GSTCD: variants seen among roughly 807,000 people sequenced by gnomAD.
GSTCD encodes glutathione S-transferase C-terminal domain containing, also known as glutathione S-transferase C-terminal domain-containing protein.
In GSTCD, 44 loss-of-function variants were observed where a neutral mutation model predicts 68.3. That is an observed-to-expected ratio of 0.64 (90% CI 0.51 to 0.83). The LOEUF is 0.83. GSTCD is among the 40% of genes least tolerant of loss of function. The pLI, the probability that GSTCD is intolerant of heterozygous loss-of-function variation, is 0.00. For synonymous variants in GSTCD, 273 were observed against 255.2 expected (o/e 1.07, Z -0.67); for missense variants, 739 against 735.9 (o/e 1.00, Z -0.05).
At chr4:105,758,103 C>T (rs1734260140) in intron 5 of GSTCD, among the ~76,000 whole-genome samples, 1 of 152,050 alleles carries the variant, frequency 6.6e-6, no homozygotes, top group Non-Finnish European at 1.5e-5. Context: ...ATACAAGTAC[C>T]CCTAATATAA....
chr4:105,755,760 G>A (rs556507164), intron 5 of GSTCD, among the ~76,000 whole-genome samples: 1 of 152,138 alleles, frequency 6.6e-6, no homozygotes, highest in Non-Finnish European at 1.5e-5. Flanking sequence ...AGTCTGGAAA[G>A]GTAATCCAAG....
intron 5 of GSTCD, among the ~76,000 whole-genome samples, chr4:105,756,634 A>T (rs1198821811): frequency 6.6e-6 from 1 of 151,422 alleles, no homozygotes; most frequent in African/African-American, 2.4e-5. Flanking sequence ...ATTTTCACTG[A>T]CCAAAACCAT....
chr4:105,720,126 G>A (rs1732814554), intron 3 of GSTCD, among the ~76,000 whole-genome samples: 1 of 152,042 alleles, frequency 6.6e-6, no homozygotes, highest in Non-Finnish European at 1.5e-5. Context: ...AGAATAGATA[G>A]AACGTTTTCT....
At chr4:105,825,126 TGG>T in intron 7 of GSTCD, among the ~76,000 whole-genome samples, 1 of 150,810 alleles carries the variant, frequency 6.6e-6, no homozygotes, top group Non-Finnish European at 1.5e-5. Context: ...GTTGGTTGGT[TGG>T]TTGGTTTGTT....
chr4:105,771,690 T>C (rs1734854204), intron 5 of GSTCD, among the ~76,000 whole-genome samples: 1 of 152,108 alleles, frequency 6.6e-6, no homozygotes, highest in Non-Finnish European at 1.5e-5. Flanking sequence ...AGATGTGTGA[T>C]GTTACTTCTG....
At chr4:105,727,800 A>G (rs888379122) in intron 4 of GSTCD, among the ~76,000 whole-genome samples, 9 of 152,062 alleles carry the variant, frequency 5.9e-5, no homozygotes, top group African/African-American at 1.9e-4. Context: ...TTTCCCTAAC[A>G]TTTGAAATGA....
chr4:105,752,768 T>A (rs1265287224), intron 5 of GSTCD, among the ~76,000 whole-genome samples: 1 of 152,078 alleles, frequency 6.6e-6, no homozygotes, highest in Non-Finnish European at 1.5e-5. Context: ...CATTCAAAGG[T>A]ATACTTAAGT....
intron 5 of GSTCD, among the ~76,000 whole-genome samples, chr4:105,770,227 C>T (rs935270150): frequency 3.3e-5 from 5 of 152,190 alleles, no homozygotes; most frequent in Non-Finnish European, 5.9e-5. Flanking sequence ...TATAGCTGCT[C>T]ATTCTGTTTT....
intron 8 of GSTCD, among the ~76,000 whole-genome samples, chr4:105,829,733 C>T (rs576543065): frequency 6.6e-6 from 1 of 151,886 alleles, no homozygotes; most frequent in Non-Finnish European, 1.5e-5. Context: ...GGGACATAGT[C>T]AAACCATATC....
At chr4:105,795,630 A>T (rs1350331692) in intron 5 of GSTCD, among the ~76,000 whole-genome samples, 1 of 152,102 alleles carries the variant, frequency 6.6e-6, no homozygotes, top group East Asian at 1.9e-4. Flanking sequence ...TAGGCCTGTA[A>T]TCCACCTGGC....
intron 5 of GSTCD, among the ~76,000 whole-genome samples, chr4:105,777,324 T>A (rs567173441): frequency 2.3e-4 from 35 of 152,332 alleles, no homozygotes; most frequent in Admixed American, 2.2e-3. Context: ...CTTTCTGATA[T>A]TAATTTTCTT....
chr4:105,837,827 A>G, intron 9 of GSTCD, 32 bp from the exon 10 acceptor site: 2 of 900,070 alleles, frequency 2.2e-6, no homozygotes, highest in South Asian at 3.2e-5. Context: ...AATATTTAGA[A>G]TGATGACTAA....
chr4:105,781,676 G>GGGAA (rs1488427435), intron 5 of GSTCD, among the ~76,000 whole-genome samples: 5 of 151,800 alleles, frequency 3.3e-5, no homozygotes, highest in African/African-American at 1.2e-4. Context: ...CTATTGCTAA[G>GGGAA]GGAAGGAAGA....
intron 5 of GSTCD, among the ~76,000 whole-genome samples, chr4:105,769,235 A>G (rs73839019): frequency 0.073 from 189 of 2,584 alleles, 1 homozygote; most frequent in Middle Eastern, 0.5. Flanking sequence ...ACACGCGCGC[A>G]CACACACACA....
At position 105,733,173 on chromosome 4, in the gene GSTCD, G is replaced by A. The variant is rs149109987; in HGVS notation, c.1240+3674G>A. Among the ~76,000 whole-genome samples, 1,293 of 152,260 alleles carry A rather than the reference G, an allele frequency of 8.5e-3. 18 individuals carry two copies. The highest frequency in any genetic ancestry group is 0.029 in the African/African-American group (1,195 of 41,522). ...GAAAAATGTATATTCTGTTGATTTGGGATGGAGAGTTCTGTAGATGTGTAT... is the reference window on the plus strand; with the variant it reads ...GAAAAATGTATATTCTGTTGATTTGAGATGGAGAGTTCTGTAGATGTGTAT... On this transcript the variant is annotated intron_variant, in intron 5 of 11. Transcript: ENST00000515279.
intron 5 of GSTCD, among the ~76,000 whole-genome samples, chr4:105,795,087 G>C (rs1735831302): frequency 6.6e-6 from 1 of 151,934 alleles, no homozygotes; most frequent in Admixed American, 6.6e-5. Flanking sequence ...TGTTGGCCAG[G>C]CTGGTCTCAA....
intron 5 of GSTCD, among the ~76,000 whole-genome samples, chr4:105,755,118 C>T (rs1054354187): frequency 1.4e-5 from 2 of 144,940 alleles, no homozygotes; most frequent in Admixed American, 7.1e-5. Flanking sequence ...TGTGGTATTG[C>T]GCACCTGTAG....
At chr4:105,798,310 C>G (rs1578484585) in intron 5 of GSTCD, among the ~76,000 whole-genome samples, 1 of 151,888 alleles carries the variant, frequency 6.6e-6, no homozygotes. Context: ...AAATGTCATC[C>G]ATGATGGTTA....
chr4:105,786,387 T>A (rs1735465839), intron 5 of GSTCD, among the ~76,000 whole-genome samples: 1 of 151,892 alleles, frequency 6.6e-6, no homozygotes, highest in African/African-American at 2.4e-5. Flanking sequence ...TGGCTCGCAC[T>A]TGTAGTCCCA....
Sources: allele counts gnomAD v4.1 joint callset (sites outside exome capture counted in the v4.1 genomes callset), GRCh38; gene constraint gnomAD v4.1.1; transcripts MANE v1.5; gene names NCBI Gene and HGNC (gene_info 2026-07-23, HGNC 2026-07-21).